Variants in EPHA5 observed in about 807,000 individuals in gnomAD.
The protein encoded by EPHA5 is EPH receptor A5, also known as ephrin type-A receptor 5.
EPHA5 carries 60 observed loss-of-function variants against 105.0 expected under a neutral mutation model. That is an observed-to-expected ratio of 0.57 (90% CI 0.46 to 0.71). The LOEUF (loss-of-function observed/expected upper bound fraction) is 0.71. Among genes scored for constraint, EPHA5 ranks in the 30% least tolerant of loss-of-function variants. The pLI, the probability that EPHA5 is intolerant of heterozygous loss-of-function variation, is 0.00. For missense variants in EPHA5, 1,218 were observed against 1,274.7 expected (o/e 0.96, Z 0.68); for synonymous variants, 513 against 449.1 (o/e 1.14, Z -1.80).
intron 3 of EPHA5, among the ~76,000 whole-genome samples, chr4:65,557,859 T>A (rs1031908546): frequency 2.0e-5 from 3 of 151,992 alleles, no homozygotes; most frequent in African/African-American, 7.2e-5. Context: ...ACTGAAATAA[T>A]TCTGTGGATT....
intron 3 of EPHA5, among the ~76,000 whole-genome samples, chr4:65,576,010 GAAAGAAAGAAAGA>G (rs2149386763): frequency 1.4e-5 from 1 of 73,978 alleles, no homozygotes; most frequent in East Asian, 5.2e-4. Flanking sequence ...GAGAAAGAAA[GAAAGAAAGAAAGA>G]AAGAAAGAAA....
intron 5 of EPHA5, among the ~76,000 whole-genome samples, chr4:65,481,164 G>A (rs1730328110): frequency 6.6e-6 from 1 of 152,096 alleles, no homozygotes; most frequent in African/African-American, 2.4e-5. Flanking sequence ...GCACTTCATA[G>A]TTTAAAGAAA....
intron 5 of EPHA5, among the ~76,000 whole-genome samples, chr4:65,439,035 A>T (rs567241530): frequency 4.7e-4 from 71 of 152,264 alleles, no homozygotes; most frequent in African/African-American, 1.6e-3. Context: ...GAAACTTCTC[A>T]ACAATCCTAT....
At chr4:65,397,972 C>T (rs1031408380) in intron 8 of EPHA5, among the ~76,000 whole-genome samples, 1 of 152,156 alleles carries the variant, frequency 6.6e-6, no homozygotes, top group Non-Finnish European at 1.5e-5. Context: ...GGAGGCATGG[C>T]CTGGGCTGTG....
At chr4:65,326,167 T>C (rs1318732718) in intron 16 of EPHA5, among the ~76,000 whole-genome samples, 1 of 150,804 alleles carries the variant, frequency 6.6e-6, no homozygotes, top group Non-Finnish European at 1.5e-5. Flanking sequence ...ATGCTAGAAA[T>C]ATCAATAACC....
At chr4:65,492,333 C>T (rs1233261825) in intron 4 of EPHA5, among the ~76,000 whole-genome samples, 1 of 151,734 alleles carries the variant, frequency 6.6e-6, no homozygotes, top group Non-Finnish European at 1.5e-5. Flanking sequence ...TCCCGAGTAG[C>T]TGGAATTACA....
chr4:65,339,773 C>T (rs1721530151), intron 14 of EPHA5, among the ~76,000 whole-genome samples: 1 of 152,088 alleles, frequency 6.6e-6, no homozygotes, highest in African/African-American at 2.4e-5. Context: ...CATCCCTTTG[C>T]AGGACACACT....
chr4:65,387,414 A>T (rs1452616939), intron 8 of EPHA5, among the ~76,000 whole-genome samples: 2 of 152,038 alleles, frequency 1.3e-5, no homozygotes, highest in African/African-American at 4.8e-5. Context: ...AATTTATTGG[A>T]TGAAGATTTA....
At chr4:65,367,695 C>A (rs143674336) in intron 8 of EPHA5, among the ~76,000 whole-genome samples, 154 of 152,130 alleles carry the variant, frequency 1.0e-3, no homozygotes, top group African/African-American at 3.6e-3. Flanking sequence ...ATACTGTATA[C>A]CAGACATTGT....
chr4:65,614,216 T>A (rs1001878323), intron 2 of EPHA5, among the ~76,000 whole-genome samples: 4 of 151,874 alleles, frequency 2.6e-5, no homozygotes, highest in African/African-American at 9.7e-5. Context: ...GTAAAATTAA[T>A]TTTTCAGTGT....
intron 5 of EPHA5, among the ~76,000 whole-genome samples, chr4:65,443,877 T>A (rs1210007483): frequency 6.6e-6 from 1 of 151,116 alleles, no homozygotes; most frequent in East Asian, 2.0e-4. Context: ...TTGAAAAAAA[T>A]AGTTTCTACT....
intron 3 of EPHA5, among the ~76,000 whole-genome samples, chr4:65,538,211 A>G (rs1560666614): frequency 6.6e-6 from 1 of 151,840 alleles, no homozygotes; most frequent in Admixed American, 6.6e-5. Flanking sequence ...TAATTGCCAA[A>G]TAACTTAAAT....
intron 3 of EPHA5, among the ~76,000 whole-genome samples, chr4:65,517,492 A>G (rs1734220264): frequency 6.6e-6 from 1 of 151,890 alleles, no homozygotes; most frequent in Non-Finnish European, 1.5e-5. Context: ...GCACCTTTTA[A>G]TTGTAGAATT....
intron 8 of EPHA5, among the ~76,000 whole-genome samples, chr4:65,400,197 A>G (rs1721677965): frequency 1.3e-5 from 2 of 152,342 alleles, no homozygotes; most frequent in South Asian, 2.1e-4. Flanking sequence ...GATAAACTCT[A>G]CAAAATTAGG....
chr4:65,485,969 T>C (rs1486889595), intron 5 of EPHA5, among the ~76,000 whole-genome samples: 1 of 152,118 alleles, frequency 6.6e-6, no homozygotes, highest in Non-Finnish European at 1.5e-5. Context: ...AGAAATGTGA[T>C]TGTCTTAAAG....
chr4:65,629,041 A>G (rs182892761), intron 2 of EPHA5, among the ~76,000 whole-genome samples: 1 of 152,354 alleles, frequency 6.6e-6, no homozygotes, highest in East Asian at 1.9e-4. Context: ...GAATTGGAAT[A>G]TATTTGCTCA....
chr4:65,476,127 A>AGAGAGAGAGAGAGAGAGT (rs1425495059), intron 5 of EPHA5, among the ~76,000 whole-genome samples: 1 of 119,106 alleles, frequency 8.4e-6, no homozygotes, highest in South Asian at 3.1e-4. Flanking sequence ...AGAGAGAGAG[A>AGAGAGAGAGAGAGAGAGT]GTGTGTGTGT....
chr4:65,590,703 T>C (rs746767271), intron 3 of EPHA5, among the ~76,000 whole-genome samples: 1 of 152,156 alleles, frequency 6.6e-6, no homozygotes, highest in Admixed American at 6.5e-5. Context: ...GATAGTTTTC[T>C]ATGCAACCCT....
intron 2 of EPHA5, among the ~76,000 whole-genome samples, chr4:65,632,727 G>A (rs1030161180): frequency 1.3e-5 from 2 of 151,698 alleles, no homozygotes; most frequent in African/African-American, 2.4e-5. Flanking sequence ...TCACACAATC[G>A]ATAACACTAT....
Sources: allele counts gnomAD v4.1 joint callset (sites outside exome capture counted in the v4.1 genomes callset), GRCh38; gene constraint gnomAD v4.1.1; transcripts MANE v1.5; gene names NCBI Gene and HGNC (gene_info 2026-07-23, HGNC 2026-07-21).